Variants in TNNI3K observed in about 807,000 individuals in gnomAD.
TNNI3K encodes TNNI3 interacting kinase, also known as serine/threonine-protein kinase TNNI3K.
Under a neutral mutation model 114.5 loss-of-function variants are expected in TNNI3K, and 140 were observed. The ratio of observed to expected loss-of-function variants is 1.22; its 90% CI spans 1.07 to 1.41. The LOEUF (loss-of-function observed/expected upper bound fraction) is 1.41, where lower values mean the gene tolerates loss of function less well. Ranked by LOEUF, TNNI3K falls within the 40% of genes most tolerant of loss-of-function variation. The pLI is 0.00. For missense variants in TNNI3K, 1,125 were observed against 1,007.6 expected (o/e 1.12, Z -1.58); for synonymous variants, 347 against 347.5 (o/e 1.00, Z 0.02).
intron 23 of TNNI3K, among the ~76,000 whole-genome samples, chr1:74,505,628 G>A (rs1295153522): frequency 2.0e-5 from 3 of 151,804 alleles, no homozygotes; most frequent in Non-Finnish European, 4.4e-5. Context: ...AAATGGCATC[G>A]TTCTTCCTTT....
intron 17 of TNNI3K, chr1:74,376,977 G>C (rs1224517046): frequency 6.6e-6 from 1 of 151,996 alleles, no homozygotes; most frequent in Non-Finnish European, 1.5e-5. Flanking sequence ...TTCTCAGTTT[G>C]GCTGCACAGT....
chr1:74,271,529 C>T, intron 4 of TNNI3K, 69 bp from the exon 5 acceptor site: 7 of 1,418,732 alleles, frequency 4.9e-6, no homozygotes, highest in South Asian at 4.5e-5. Flanking sequence ...AAAATCAATA[C>T]ATCCTGTTGC....
At chr1:74,288,125 G>A (rs889177972) in intron 5 of TNNI3K, among the ~76,000 whole-genome samples, 1 of 152,026 alleles carries the variant, frequency 6.6e-6, no homozygotes, top group Non-Finnish European at 1.5e-5. Flanking sequence ...AAGTGAAACG[G>A]TACAGCAGTT....
At chr1:74,406,617 C>T (rs1288439394) in intron 17 of TNNI3K, among the ~76,000 whole-genome samples, 3 of 152,176 alleles carry the variant, frequency 2.0e-5, no homozygotes, top group Non-Finnish European at 4.4e-5. Context: ...CATGATATTT[C>T]ACAATAATCT....
chr1:74,502,138 C>T (rs1174372007), intron 23 of TNNI3K, among the ~76,000 whole-genome samples: 13 of 152,110 alleles, frequency 8.5e-5, no homozygotes, highest in Admixed American at 8.5e-4. Context: ...ATGAGAACTT[C>T]ATAGCACTTA....
At chr1:74,436,607 CA>C in intron 19 of TNNI3K, 81 bp downstream of exon 19, 1 of 1,424,458 alleles carries the variant, frequency 7.0e-7, no homozygotes, top group South Asian at 1.4e-5. Context: ...AAGATGAGAG[CA>C]GTTTTAATTG....
intron 17 of TNNI3K, among the ~76,000 whole-genome samples, chr1:74,416,708 T>C (rs1665133087): frequency 6.6e-6 from 1 of 152,142 alleles, no homozygotes; most frequent in Non-Finnish European, 1.5e-5. Context: ...TTTTCAAGAA[T>C]AATTTTTGCC....
chr1:74,508,100 G>C (rs1669998221), intron 23 of TNNI3K, among the ~76,000 whole-genome samples: 1 of 152,248 alleles, frequency 6.6e-6, no homozygotes, highest in South Asian at 2.1e-4. Flanking sequence ...GCATTACTAA[G>C]AAAAAGGAGA....
intron 4 of TNNI3K, among the ~76,000 whole-genome samples, chr1:74,252,698 C>T (rs1320836855): frequency 6.6e-6 from 1 of 151,946 alleles, no homozygotes; most frequent in Non-Finnish European, 1.5e-5. Flanking sequence ...TGTTACAGCT[C>T]TTAAGGCGGC....
chr1:74,404,535 G>T (rs1207307654), intron 17 of TNNI3K, among the ~76,000 whole-genome samples: 1 of 152,164 alleles, frequency 6.6e-6, no homozygotes, highest in Non-Finnish European at 1.5e-5. Flanking sequence ...CATCTGGACA[G>T]ATTGTTAAAG....
chr1:74,446,639 G>A (rs1210191716), intron 20 of TNNI3K, among the ~76,000 whole-genome samples: 1 of 150,462 alleles, frequency 6.6e-6, no homozygotes, highest in Non-Finnish European at 1.5e-5. Flanking sequence ...GAATGGTAAT[G>A]CCAAGGTTTT....
At chr1:74,335,087 A>G (rs573376023) in intron 6 of TNNI3K, among the ~76,000 whole-genome samples, 1 of 152,358 alleles carries the variant, frequency 6.6e-6, no homozygotes, top group South Asian at 2.1e-4. Flanking sequence ...CAAAAATAAA[A>G]AATAACATTT....
At chr1:74,400,477 C>T (rs542823293) in intron 17 of TNNI3K, among the ~76,000 whole-genome samples, 2 of 152,306 alleles carry the variant, frequency 1.3e-5, no homozygotes, top group African/African-American at 4.8e-5. Flanking sequence ...CCTGGGCGGC[C>T]TGAGGCACAG....
chr1:74,411,427 T>A (rs1664874013), intron 17 of TNNI3K, among the ~76,000 whole-genome samples: 1 of 152,268 alleles, frequency 6.6e-6, no homozygotes, highest in Non-Finnish European at 1.5e-5. Flanking sequence ...TAGAAATTTT[T>A]ATATACAAAT....
intron 5 of TNNI3K, among the ~76,000 whole-genome samples, chr1:74,276,208 T>C (rs1341362564): frequency 6.6e-6 from 1 of 152,076 alleles, no homozygotes; most frequent in Non-Finnish European, 1.5e-5. Context: ...TTTAGAAACA[T>C]ACAAACGGCA....
chr1:74,353,931 C>T, intron 10 of TNNI3K, 49 bp from the exon 11 acceptor site: 4 of 1,566,382 alleles, frequency 2.6e-6, no homozygotes, highest in Non-Finnish European at 3.5e-6. Context: ...AATTGGGGAG[C>T]AGTTTTTCTT....
At position 74,315,710 on chromosome 1, in the gene TNNI3K, C is replaced by T. The variant is rs115817492; in HGVS notation, c.445-15740C>T. ...AGGGGGAAAAAATCTATCATCGATTCTCCTTTGTGTTAGTTTCATAGTTTC... is the reference window on the plus strand; with the variant it reads ...AGGGGGAAAAAATCTATCATCGATTTTCCTTTGTGTTAGTTTCATAGTTTC... On this transcript the variant is annotated intron_variant, in intron 5 of 24. Transcript: ENST00000326637. Among the ~76,000 whole-genome samples, 1,464 of 152,174 alleles carry T rather than the reference C, an allele frequency of 9.6e-3. 26 individuals carry two copies. Among genetic ancestry groups the T allele is most frequent in the African/African-American group, 0.033 (1,376 of 41,530 alleles).
intron 16 of TNNI3K, 134 bp downstream of exon 16, chr1:74,369,719 A>G: frequency 1.0e-6 from 1 of 994,490 alleles, no homozygotes; most frequent in Admixed American, 3.2e-5. Flanking sequence ...GTCATTTTTA[A>G]TATCGCTAAT....
chr1:74,467,212 A>C (rs1391906557), intron 21 of TNNI3K, among the ~76,000 whole-genome samples: 1 of 152,194 alleles, frequency 6.6e-6, no homozygotes, highest in African/African-American at 2.4e-5. Context: ...CAGTTGCAAC[A>C]TTGTAGCCAT....
Sources: gnomAD v4.1 joint callset for allele counts (sites outside exome capture counted in the v4.1 genomes callset) on GRCh38, gnomAD v4.1.1 for gene constraint, MANE v1.5 for transcripts, NCBI Gene and HGNC (gene_info 2026-07-23, HGNC 2026-07-21) for gene names.